The following CAPN13 variants were observed in gnomAD, a reference collection of about 807,000 sequenced individuals.
CAPN13 encodes calpain-13.
CAPN13 carries 90 observed loss-of-function variants against 98.4 expected under a neutral mutation model. The ratio of observed to expected loss-of-function variants is 0.92; its 90% CI spans 0.77 to 1.09. The LOEUF is 1.09. Ranked by LOEUF, CAPN13 falls within the 50% of genes least tolerant of loss-of-function variation. The pLI, the probability that CAPN13 is intolerant of heterozygous loss-of-function variation, is 0.00. For synonymous variants in CAPN13, 330 were observed against 305.5 expected (o/e 1.08, Z -0.84); for missense variants, 887 against 841.3 (o/e 1.05, Z -0.67).
At chr2:30,780,330 C>T (rs940736186) in intron 2 of CAPN13, among the ~76,000 whole-genome samples, 2 of 152,228 alleles carry the variant, frequency 1.3e-5, no homozygotes, top group African/African-American at 4.8e-5. Context: ...TGAGAGAAAA[C>T]ACACAGACAT....
chr2:30,771,434 GAGATT>G (rs1159588048), intron 4 of CAPN13, among the ~76,000 whole-genome samples: 1 of 152,200 alleles, frequency 6.6e-6, no homozygotes, highest in East Asian at 1.9e-4. Flanking sequence ...AGCAGAGATG[GAGATT>G]GAGACAGATA....
At chr2:30,803,772 TTGTCTC>T (rs1675436425) in intron 1 of CAPN13, among the ~76,000 whole-genome samples, 1 of 152,174 alleles carries the variant, frequency 6.6e-6, no homozygotes, top group African/African-American at 2.4e-5. Flanking sequence ...ACTAAATAGT[TTGTCTC>T]TGAGGCAACA....
In CAPN13 at chr2:30,731,449, G is replaced by A. The variant is rs1422328195; in HGVS notation, c.1928-50C>T. On this transcript the variant is annotated intron_variant, in intron 20 of 22. Transcript: ENST00000295055. Reference sequence around the variant, plus strand: ...GACTGACTGAGGAGGAAGGAATCCAGGCAGTTCAGGGGAGGCAGGCCTGGG... The same window carrying A: ...GACTGACTGAGGAGGAAGGAATCCAAGCAGTTCAGGGGAGGCAGGCCTGGG... 8 of 1,537,858 alleles carry A rather than the reference G, an allele frequency of 5.2e-6. No individual in the cohort carries two copies. The East Asian group carries it at 1.4e-4, about 27-fold the overall frequency.
intron 4 of CAPN13, among the ~76,000 whole-genome samples, chr2:30,771,768 T>A (rs756903294): frequency 3.3e-5 from 5 of 152,210 alleles, no homozygotes; most frequent in Non-Finnish European, 5.9e-5. Flanking sequence ...TGCCTCTTAT[T>A]ACTTTAGCAA....
chr2:30,769,039 T>C (rs772591075), intron 5 of CAPN13, among the ~76,000 whole-genome samples: 1 of 152,054 alleles, frequency 6.6e-6, no homozygotes, highest in African/African-American at 2.4e-5. Flanking sequence ...AGGACACTTC[T>C]AGGGGGCCTC....
At chr2:30,778,633 A>T (rs1673825595) in intron 2 of CAPN13, among the ~76,000 whole-genome samples, 1 of 152,174 alleles carries the variant, frequency 6.6e-6, no homozygotes, top group Admixed American at 6.5e-5. Context: ...GCCTTGTAGA[A>T]CCTGCCAGCT....
intron 1 of CAPN13, among the ~76,000 whole-genome samples, chr2:30,796,345 G>A (rs188575581): frequency 6.6e-6 from 1 of 151,408 alleles, no homozygotes; most frequent in African/African-American, 2.4e-5. Context: ...TGTATATCAC[G>A]TACTATGACA....
intron 11 of CAPN13, among the ~76,000 whole-genome samples, chr2:30,749,976 A>G (rs1443216033): frequency 6.6e-6 from 1 of 152,248 alleles, no homozygotes; most frequent in Non-Finnish European, 1.5e-5. Flanking sequence ...CCAAAGGAAT[A>G]TAAAGCATTC....
chr2:30,745,585 C>T (rs1671865783), intron 12 of CAPN13, 138 bp downstream of exon 12: 3 of 776,404 alleles, frequency 3.9e-6, no homozygotes, highest in South Asian at 3.4e-5. Flanking sequence ...GGATTCTAGG[C>T]CTGTGTCTGA....
chr2:30,780,970 A>G (rs968832322), intron 2 of CAPN13, among the ~76,000 whole-genome samples: 9 of 152,218 alleles, frequency 5.9e-5, no homozygotes, highest in African/African-American at 1.9e-4. Context: ...CAGTGTGATG[A>G]GAACCTGGAT....
At chr2:30,784,131 G>A (rs1429715876) in intron 2 of CAPN13, among the ~76,000 whole-genome samples, 1 of 151,710 alleles carries the variant, frequency 6.6e-6, no homozygotes, top group Non-Finnish European at 1.5e-5. Context: ...AGTGAGCCGA[G>A]ATTGTGCCAC....
intron 8 of CAPN13, 45 bp downstream of exon 8, chr2:30,758,001 C>T (rs770100730): frequency 1.8e-5 from 26 of 1,473,248 alleles, no homozygotes; most frequent in Non-Finnish European, 2.4e-5. Context: ...TCTACCGACA[C>T]CAAGCGCTCT....
chr2:30,800,197 G>A (rs530587891), intron 1 of CAPN13, among the ~76,000 whole-genome samples: 42 of 127,858 alleles, frequency 3.3e-4, no homozygotes, highest in African/African-American at 1.2e-3. Flanking sequence ...AGAAAACTAC[G>A]TAGACCTGGA....
chr2:30,734,565 G>C, intron 18 of CAPN13, 41 bp from the exon 19 acceptor site: 1 of 1,501,640 alleles, frequency 6.7e-7, no homozygotes, highest in Non-Finnish European at 9.3e-7. Context: ...GTGAAGACTG[G>C]GAAGGTCTGG....
At chr2:30,732,297 G>T in intron 20 of CAPN13, 141 bp downstream of exon 20, 1 of 974,456 alleles carries the variant, frequency 1.0e-6, no homozygotes, top group South Asian at 1.6e-5. Flanking sequence ...TACAGCCTCG[G>T]TTGGCACCTC....
chr2:30,749,201 C>A (rs1196096253), intron 11 of CAPN13, among the ~76,000 whole-genome samples: 1 of 152,120 alleles, frequency 6.6e-6, no homozygotes, highest in Non-Finnish European at 1.5e-5. Flanking sequence ...TGCAAATGCT[C>A]CAAAATCCAA....
At chr2:30,760,624 A>G (rs1190636152) in intron 7 of CAPN13, among the ~76,000 whole-genome samples, 15 of 152,220 alleles carry the variant, frequency 9.9e-5, no homozygotes, top group Admixed American at 9.8e-4. Flanking sequence ...GCAGATTAAA[A>G]AGCGCGCCAC....
At chr2:30,767,596 C>A (rs1380904848) in intron 5 of CAPN13, among the ~76,000 whole-genome samples, 1 of 152,162 alleles carries the variant, frequency 6.6e-6, no homozygotes, top group Admixed American at 6.5e-5. Flanking sequence ...TCGTAAGAAG[C>A]TTATAAGTGA....
chr2:30,739,253 G>A (rs547424838), intron 15 of CAPN13, among the ~76,000 whole-genome samples: 4 of 152,224 alleles, frequency 2.6e-5, no homozygotes, highest in African/African-American at 4.8e-5. Flanking sequence ...TGCTGCTATC[G>A]CCCTGGGAAA....
Sources: allele counts gnomAD v4.1 joint callset (sites outside exome capture counted in the v4.1 genomes callset), GRCh38; gene constraint gnomAD v4.1.1; transcripts MANE v1.5; gene names NCBI Gene and HGNC (gene_info 2026-07-23, HGNC 2026-07-21).